MED27: variants seen among roughly 807,000 people sequenced by gnomAD.
The protein encoded by MED27 is mediator of RNA polymerase II transcription subunit 27.
Under a neutral mutation model 38.2 loss-of-function variants are expected in MED27, and 30 were observed. That is an observed-to-expected ratio of 0.79 (90% CI 0.59 to 1.07). MED27 has a LOEUF of 1.07. MED27 is among the 50% of genes least tolerant of loss of function. The pLI is 0.00. For missense variants in MED27, 289 were observed against 397.5 expected, an observed-to-expected ratio of 0.73 and a Z score of 2.32; for synonymous variants, 122 against 153.5, an observed-to-expected ratio of 0.79 and a Z score of 1.52.
chr9:132,006,243 C>T (rs1456724102), intron 3 of MED27, among the ~76,000 whole-genome samples: 2 of 152,180 alleles, frequency 1.3e-5, no homozygotes, highest in African/African-American at 4.8e-5. Flanking sequence ...AGCCAGCCTG[C>T]TCCCTTTGTA....
chr9:132,009,317 C>T (rs926314556), intron 3 of MED27, among the ~76,000 whole-genome samples: 34 of 152,308 alleles, frequency 2.2e-4, no homozygotes, highest in African/African-American at 7.9e-4. Flanking sequence ...AATTCTTTGA[C>T]ACGTCTTTCT....
intron 3 of MED27, among the ~76,000 whole-genome samples, chr9:131,950,430 G>A (rs561844099): frequency 1.3e-5 from 2 of 152,152 alleles, no homozygotes; most frequent in African/African-American, 2.4e-5. Flanking sequence ...GAGGACTGTC[G>A]CTGTGGCACC....
rs1263373817 is a variant in MED27 at position 131,997,060 on chromosome 9, A to G, written c.479+17277T>C. Among the ~76,000 whole-genome samples, 2 of 152,196 alleles carry G rather than the reference A, an allele frequency of 1.3e-5. No individual in the cohort carries two copies. The highest frequency in any genetic ancestry group is 4.8e-5 in the African/African-American group (2 of 41,458). On this transcript the variant is annotated intron_variant, in intron 3 of 7. Transcript: ENST00000292035. The surrounding 1 kb of genome is among the most constrained non-coding windows in gnomAD (Gnocchi z 4.0). ...ACCCCTAACGCTGTGTTAAGGGTCA[A>G]CTGTAGTTTAACAGTGGGTATTCAT... is the stretch of plus-strand genomic sequence containing the variant.
intron 3 of MED27, among the ~76,000 whole-genome samples, chr9:131,970,449 G>A (rs187693446): frequency 1.4e-3 from 211 of 152,300 alleles, no homozygotes; most frequent in African/African-American, 4.8e-3. Context: ...AGCCCTCCAC[G>A]GGGCCAACAC....
At position 131,889,025 on chromosome 9, in the gene MED27, G is replaced by A. The variant is rs1839185279; in HGVS notation, c.681+4860C>T. On this transcript the variant is annotated intron_variant, in intron 5 of 7. Transcript: ENST00000292035. The surrounding 1 kb of genome is among the most constrained non-coding windows in gnomAD (Gnocchi z 4.2). ...TCACCCTTCCCCCTAGAAGTAACAA[G>A]AGGCCATTTTTCTGAAGGTCATCTG... Among the ~76,000 whole-genome samples the A allele has an allele frequency of 6.6e-6, 1 of 152,224 alleles. No individual in the cohort carries two copies. Among genetic ancestry groups the A allele is most frequent in the African/African-American group, 2.4e-5 (1 of 41,462 alleles).
At chr9:132,012,957 A>G (rs1341557356) in intron 3 of MED27, among the ~76,000 whole-genome samples, 2 of 152,224 alleles carry the variant, frequency 1.3e-5, no homozygotes, top group African/African-American at 4.8e-5. Context: ...CAATCAACTC[A>G]TATATGCCAA....
intron 4 of MED27, among the ~76,000 whole-genome samples, chr9:131,910,659 T>C (rs1171504657): frequency 2.6e-5 from 4 of 152,326 alleles, no homozygotes; most frequent in African/African-American, 9.6e-5. Flanking sequence ...TATGCAGGGC[T>C]GAAAAGAAAG....
At chr9:131,863,166 T>C (rs1212170400) in intron 6 of MED27, 26 bp from the exon 7 acceptor site, 2 of 1,600,194 alleles carry the variant, frequency 1.2e-6, no homozygotes, top group Non-Finnish European at 8.6e-7. Flanking sequence ...AAAGACGAGT[T>C]AGCGGCCACT....
intron 2 of MED27, among the ~76,000 whole-genome samples, chr9:132,069,383 T>C (rs1004632902): frequency 3.3e-5 from 5 of 152,172 alleles, no homozygotes; most frequent in Admixed American, 2.6e-4. Context: ...AAACCACAAC[T>C]AATAAGTAGA....
At chr9:131,893,187 G>C (rs1839257093) in intron 5 of MED27, among the ~76,000 whole-genome samples, 1 of 152,156 alleles carries the variant, frequency 6.6e-6, no homozygotes, top group South Asian at 2.1e-4. Flanking sequence ...GGGGTGGGGA[G>C]ACCAGGCTCC....
chr9:132,000,538 A>C (rs994209895), intron 3 of MED27, among the ~76,000 whole-genome samples: 5 of 152,212 alleles, frequency 3.3e-5, no homozygotes, highest in Admixed American at 6.5e-5. Flanking sequence ...ACATGTCCAT[A>C]CAAAGACTTG....
At chr9:132,052,343 G>A (rs984210131) in intron 2 of MED27, among the ~76,000 whole-genome samples, 6 of 152,136 alleles carry the variant, frequency 3.9e-5, no homozygotes, top group South Asian at 2.1e-4. Context: ...TTAAATCCAC[G>A]CAGTAGTGAT....
chr9:132,051,877 GTGCCAAAACAGGTCCCTTTCCT>G lies in MED27; in HGVS notation c.348+25543_348+25564del, dbSNP rs1353101136. Among the ~76,000 whole-genome samples, 6 of 152,162 alleles carry G rather than the reference GTGCCAAAACAGGTCCCTTTCCT, an allele frequency of 3.9e-5. No homozygotes were observed. The highest frequency in any genetic ancestry group is 1.4e-4 in the African/African-American group (6 of 41,432). On this transcript the variant is annotated intron_variant, in intron 2 of 7. Coordinates refer to ENST00000292035, the MANE Select transcript of MED27 (RefSeq NM_004269.4). This position sits in a 1 kb window ranked among gnomAD's most constrained non-coding sequence, Gnocchi z 4.2. ...AAGAATCCCGATGGACGAGACTGAG[GTGCCAAAACAGGTCCCTTTCCT>G]TGCCATTTTAACTACGATGAGAAAG... is the stretch of plus-strand genomic sequence containing the variant.
chr9:131,991,260 A>G (rs1230384802), intron 3 of MED27, among the ~76,000 whole-genome samples: 2 of 152,218 alleles, frequency 1.3e-5, no homozygotes, highest in Non-Finnish European at 2.9e-5. Flanking sequence ...CTCAGATACA[A>G]CTGCTCAGAA....
intron 4 of MED27, among the ~76,000 whole-genome samples, chr9:131,898,406 GGTTTCGCC>G (rs1829870023): frequency 6.6e-6 from 1 of 152,002 alleles, no homozygotes; most frequent in Non-Finnish European, 1.5e-5. Context: ...GTAGAGACAG[GGTTTCGCC>G]ATGTTGACCA....
intron 6 of MED27, among the ~76,000 whole-genome samples, chr9:131,863,541 C>T (rs1270456752): frequency 6.6e-6 from 1 of 152,234 alleles, no homozygotes; most frequent in Non-Finnish European, 1.5e-5. Flanking sequence ...ACGCACACTT[C>T]CTCTTCCTCC....
chr9:131,983,444 C>A (rs1197773274), intron 3 of MED27, among the ~76,000 whole-genome samples: 1 of 152,180 alleles, frequency 6.6e-6, no homozygotes, highest in Non-Finnish European at 1.5e-5. Context: ...GAAGAGGGTC[C>A]TTTTATTTCA....
rs532549273 is a variant in MED27 at position 131,862,566 on chromosome 9, T to C, written c.801+497A>G. On this transcript the variant is annotated intron_variant, in intron 7 of 7. Transcript: ENST00000292035. The surrounding 1 kb of genome is among the most constrained non-coding windows in gnomAD (Gnocchi z 4.6). ...ACCAAGTTTGATTTCAAACTAGTAG[T>C]GGTTGAAGAACCAGCTCGCAAGATA... is the stretch of plus-strand genomic sequence containing the variant. 6.6e-6 allele frequency among the ~76,000 whole-genome samples: 1 copy of C among 152,284 alleles called. No homozygotes were observed. The highest frequency in any genetic ancestry group is 1.9e-4 in the East Asian group (1 of 5,180).
At chr9:132,064,976 G>C (rs1259424876) in intron 2 of MED27, among the ~76,000 whole-genome samples, 1 of 152,192 alleles carries the variant, frequency 6.6e-6, no homozygotes, top group Non-Finnish European at 1.5e-5. Flanking sequence ...CGACCAGGAA[G>C]GTAGGGAATT....
Sources: allele counts gnomAD v4.1 joint callset (sites outside exome capture counted in the v4.1 genomes callset), GRCh38; gene constraint gnomAD v4.1.1; non-coding constraint Gnocchi (gnomAD v3.1); transcripts MANE v1.5; gene names NCBI Gene and HGNC (gene_info 2026-07-23, HGNC 2026-07-21).